The following PKIG variants were observed in gnomAD, a reference collection of about 807,000 sequenced individuals.
The protein encoded by PKIG is cAMP-dependent protein kinase inhibitor gamma.
Under a neutral mutation model 6.8 loss-of-function variants are expected in PKIG, and 1 was observed. The ratio of observed to expected loss-of-function variants is 0.15; its 90% confidence interval spans 0.05 to 0.69. PKIG has a LOEUF of 0.69. Among genes scored for constraint, PKIG ranks in the 30% least tolerant of loss-of-function variants. The probability of loss-of-function intolerance (pLI) is 0.82; values close to 1 mark genes in which losing one functional copy is unlikely to be tolerated. For missense variants in PKIG, 77 were observed against 104.0 expected (o/e 0.74, Z 1.13); for synonymous variants, 39 against 43.0 (o/e 0.91, Z 0.36).
At chr20:44,578,289 C>T (rs903271994), upstream of PKIG, among the ~76,000 whole-genome samples, 3 of 143,750 alleles carry the variant, frequency 2.1e-5, no homozygotes, top group Non-Finnish European at 4.5e-5. Flanking sequence ...TGCAGTGAGC[C>T]GAGATTGCAC....
intron 1 of PKIG, among the ~76,000 whole-genome samples, chr20:44,570,908 A>C (rs2064848423): frequency 6.6e-6 from 1 of 152,158 alleles, no homozygotes. Context: ...ATAATTCAAA[A>C]ATTCCTAGAA....
At chr20:44,582,081 C>G (rs1350013377), upstream of PKIG, among the ~76,000 whole-genome samples, 3 of 152,166 alleles carry the variant, frequency 2.0e-5, no homozygotes, top group Non-Finnish European at 4.4e-5. Context: ...CACACATCAC[C>G]TCCCCTACAT....
rs377246455 is a variant in PKIG at position 44,618,689 on chromosome 20, C to T, written c.*325C>T. 4.1e-6 allele frequency: 1 copy of T among 244,612 alleles called. No individual in the cohort carries two copies. Among genetic ancestry groups the T allele is most frequent in the South Asian group, 6.0e-5 (1 of 16,626 alleles). The allele number at this position is 244,612 out of a possible 1,614,324, so 15.2% of individuals were successfully genotyped here. ...GTGAGCAGCCCACACAGGAACGCTC[C>T]TCTCGCGAGCGGCCCGGGCAGGGAC... On this transcript the variant is annotated 3_prime_UTR_variant, in exon 4 of 4. Coordinates refer to ENST00000372886, the MANE Select transcript of PKIG (RefSeq NM_001281445.2).
chr20:44,578,063 G>A (rs1037444393), upstream of PKIG, among the ~76,000 whole-genome samples: 18 of 151,930 alleles, frequency 1.2e-4, no homozygotes, highest in Non-Finnish European at 1.5e-4. Flanking sequence ...TATTTTGGCC[G>A]GGCATGGTGG....
chr20:44,610,500 T>TCTCTCACACACACACACA (rs1555841182), intron 2 of PKIG, among the ~76,000 whole-genome samples: 30 of 135,478 alleles, frequency 2.2e-4, no homozygotes, highest in African/African-American at 9.1e-4. Flanking sequence ...TCTCTCTCTC[T>TCTCTCACACACACACACA]CACACACACA....
chr20:44,575,114 C>G (rs1378475882), intron 1 of PKIG, among the ~76,000 whole-genome samples: 1 of 152,042 alleles, frequency 6.6e-6, no homozygotes, highest in Non-Finnish European at 1.5e-5. Flanking sequence ...TGCAGTGGCA[C>G]CATCTCAGCT....
chr20:44,535,444 T>C lies in PKIG; in HGVS notation c.-241+3466T>C, dbSNP rs542950462. ...TTATCTGAGGTGAGGAGTTTGAGACTAGCCTGGTCAACATGGTGAAACCCC... is the reference window on the plus strand; with the variant it reads ...TTATCTGAGGTGAGGAGTTTGAGACCAGCCTGGTCAACATGGTGAAACCCC... On this transcript the variant is annotated intron_variant, in intron 1 of 4. Coordinates refer to the PKIG transcript ENST00000372887. Among the ~76,000 whole-genome samples the C allele has an allele frequency of 4.9e-4, 75 of 152,274 alleles. 1 individual carries two copies. Among genetic ancestry groups the C allele is most frequent in the Non-Finnish European group, 8.8e-4 (60 of 68,004 alleles).
chr20:44,599,077 A>G (rs2065098483), intron 2 of PKIG, among the ~76,000 whole-genome samples: 1 of 152,196 alleles, frequency 6.6e-6, no homozygotes, highest in Non-Finnish European at 1.5e-5. Flanking sequence ...GGTAAAATGC[A>G]TCTGGTGTAT....
At chr20:44,593,333 CA>C (rs1157193152) in intron 2 of PKIG, among the ~76,000 whole-genome samples, 1,650 of 133,634 alleles carry the variant, frequency 0.012, 26 homozygotes, top group Middle Eastern at 0.053. Flanking sequence ...GATTATGTCT[CA>C]AAAAAAAAAA....
At chr20:44,542,467 A>T (rs2064571024) in intron 1 of PKIG, among the ~76,000 whole-genome samples, 1 of 152,142 alleles carries the variant, frequency 6.6e-6, no homozygotes, top group African/African-American at 2.4e-5. Context: ...TCAGTTAAGC[A>T]TAAAATAATT....
At chr20:44,584,277 A>G (rs999840960) in intron 1 of PKIG, among the ~76,000 whole-genome samples, 1 of 152,182 alleles carries the variant, frequency 6.6e-6, no homozygotes, top group Non-Finnish European at 1.5e-5. Flanking sequence ...TGTCTAGCCC[A>G]TCACTATGCC....
rs537674823 is a variant in PKIG at position 44,554,067 on chromosome 20, TAA to T, written c.-241+22097_-241+22098del. 5.3e-5 allele frequency among the ~76,000 whole-genome samples: 8 copies of T among 149,904 alleles called. No homozygotes were observed. The South Asian group carries it at 1.1e-3, about 20-fold the overall frequency. On this transcript the variant is annotated intron_variant, in intron 1 of 4. Coordinates refer to the PKIG transcript ENST00000372887. Reference sequence around the variant, plus strand: ...AGCATTGTAGACCAGTTTATTAATTTAAAAAAAAATTTTTTTTTTTTTGAGAC... The same window carrying T: ...AGCATTGTAGACCAGTTTATTAATTTAAAAAAATTTTTTTTTTTTTGAGAC...
intron 3 of PKIG, among the ~76,000 whole-genome samples, chr20:44,616,831 C>G (rs565787798): frequency 2.6e-5 from 4 of 152,190 alleles, no homozygotes; most frequent in Non-Finnish European, 5.9e-5. Flanking sequence ...GAGTTCCAGG[C>G]GCCACCCCGC....
In PKIG at chr20:44,582,626, C is replaced by T. The variant is rs2064957983; in HGVS notation, c.-199C>T. The T allele has an allele frequency of 6.6e-6, 1 of 152,346 alleles. No individual in the cohort carries two copies. Among genetic ancestry groups the T allele is most frequent in the East Asian group, 1.9e-4 (1 of 5,328 alleles). 9.4% of individuals were successfully genotyped at this position (152,346 alleles called of 1,614,324 possible). Reference sequence around the variant, plus strand: ...ACAGAGAGGAGGGTAAAGTGAGAATCCTGCCCGCACCACAGGTCTGGACTG... The same window carrying T: ...ACAGAGAGGAGGGTAAAGTGAGAATTCTGCCCGCACCACAGGTCTGGACTG... On this transcript the variant is annotated 5_prime_UTR_variant, in exon 1 of 4. Coordinates refer to ENST00000372886, the MANE Select transcript of PKIG (RefSeq NM_001281445.2).
At chr20:44,541,501 C>T (rs2064561519) in intron 1 of PKIG, among the ~76,000 whole-genome samples, 2 of 151,994 alleles carry the variant, frequency 1.3e-5, no homozygotes, top group South Asian at 4.2e-4. Flanking sequence ...GTTGGCCTGG[C>T]TGGTAGACTG....
chr20:44,614,342 G>T lies in PKIG; in HGVS notation c.-23-192G>T. On this transcript the variant is annotated intron_variant, in intron 2 of 3. Coordinates refer to ENST00000372886, the MANE Select transcript of PKIG (RefSeq NM_001281445.2). The surrounding 1 kb of genome is among the most constrained non-coding windows in gnomAD (Gnocchi z 4.6). The stretch of plus-strand genomic sequence containing the variant: ...AGCCCATGTTCTTTAAAATGTTGAT[G>T]GTGGTTGTCTGGGTGTGGAATTATG... 3.9e-6 allele frequency: 2 copies of T among 509,198 alleles called. No individual in the cohort carries two copies. Among genetic ancestry groups the T allele is most frequent in the African/African-American group, 1.9e-5 (1 of 51,898 alleles). The allele number at this position is 509,198 out of a possible 1,614,324, so 31.5% of individuals were successfully genotyped here.
At chr20:44,561,205 C>T (rs1179290556) in intron 1 of PKIG, among the ~76,000 whole-genome samples, 2 of 152,168 alleles carry the variant, frequency 1.3e-5, no homozygotes, top group African/African-American at 2.4e-5. Context: ...GATGTGGTGG[C>T]GGGCGCCTGT....
At chr20:44,550,800 C>A (rs933350251) in intron 1 of PKIG, among the ~76,000 whole-genome samples, 2 of 152,170 alleles carry the variant, frequency 1.3e-5, no homozygotes, top group African/African-American at 4.8e-5. Flanking sequence ...GCTCTAGAGT[C>A]AGTGGTCTTA....
At chr20:44,544,918 C>CT (rs2064597523) in intron 1 of PKIG, among the ~76,000 whole-genome samples, 1 of 124,870 alleles carries the variant, frequency 8.0e-6, no homozygotes, top group African/African-American at 3.3e-5. Context: ...TCTTTCCTTC[C>CT]TTCTTTCTTT....
Sources: gnomAD v4.1 joint callset for allele counts (sites outside exome capture counted in the v4.1 genomes callset) on GRCh38, gnomAD v4.1.1 for gene constraint, Gnocchi (gnomAD v3.1) non-coding constraint, MANE v1.5 for transcripts, NCBI Gene and HGNC (gene_info 2026-07-23, HGNC 2026-07-21) for gene names.